LATS1: variants seen among roughly 807,000 people sequenced by gnomAD.
LATS1 encodes the protein large tumor suppressor kinase 1.
Under a neutral mutation model 106.6 loss-of-function variants are expected in LATS1, and 25 were observed. That is an observed-to-expected ratio of 0.23 (90% CI 0.17 to 0.33). The LOEUF (loss-of-function observed/expected upper bound fraction) is 0.33. Ranked by LOEUF, LATS1 falls within the 10% of genes least tolerant of loss-of-function variation. LATS1 has a pLI of 1.00. For synonymous variants in LATS1, 465 were observed against 455.6 expected, an observed-to-expected ratio of 1.02 and a Z score of -0.26; for missense variants, 1,040 against 1,382.6, an observed-to-expected ratio of 0.75 and a Z score of 3.93.
chr6:149,715,359 G>A (rs554981286), intron 1 of LATS1, among the ~76,000 whole-genome samples: 37 of 152,246 alleles, frequency 2.4e-4, no homozygotes, highest in Admixed American at 7.9e-4. Flanking sequence ...GAGCCACTGC[G>A]CCCGGCTAGA....
chr6:149,687,168 G>GAA lies in LATS1; in HGVS notation c.497-2578_497-2577dup, dbSNP rs943315224. On this transcript the variant is annotated intron_variant, in intron 3 of 7. Coordinates refer to ENST00000543571, the MANE Select transcript of LATS1 (RefSeq NM_004690.4). ...CGCGGTGGCATGATCTCGGCTCAGC[G>GAA]AAACCTCTGCCTCCTGGGTTTAGGC... Among the ~76,000 whole-genome samples, 11 of 151,362 alleles carry GAA rather than the reference G, an allele frequency of 7.3e-5. 1 individual carries two copies. Among genetic ancestry groups the GAA allele is most frequent in the African/African-American group, 2.2e-4 (9 of 41,134 alleles).
chr6:149,688,042 G>A (rs577753222), intron 3 of LATS1, among the ~76,000 whole-genome samples: 88 of 149,362 alleles, frequency 5.9e-4, no homozygotes, highest in African/African-American at 2.0e-3. Context: ...GCCCAGCTAA[G>A]GTTTTTGTAT....
intron 7 of LATS1, among the ~76,000 whole-genome samples, chr6:149,663,166 A>G (rs1780967140): frequency 6.6e-6 from 1 of 152,076 alleles, no homozygotes; most frequent in African/African-American, 2.4e-5. Flanking sequence ...GGTAGAATGC[A>G]TTGTCATTTA....
At chr6:149,695,369 T>C in intron 2 of LATS1, 148 bp from the exon 3 acceptor site, 2 of 565,070 alleles carry the variant, frequency 3.5e-6, no homozygotes, top group Non-Finnish European at 5.9e-6. Context: ...TGTTTGTAGC[T>C]ACTAAAAACC....
intron 7 of LATS1, among the ~76,000 whole-genome samples, chr6:149,669,140 T>C (rs1781316877): frequency 6.7e-6 from 1 of 149,828 alleles, no homozygotes. Context: ...GATTGATTGA[T>C]TGATTGATTG....
intron 7 of LATS1, among the ~76,000 whole-genome samples, chr6:149,663,998 C>T (rs777616321): frequency 2.0e-5 from 3 of 151,696 alleles, no homozygotes; most frequent in Non-Finnish European, 4.4e-5. Flanking sequence ...TTAGTAGAGA[C>T]GGGGTTTCAC....
chr6:149,702,381 C>A, intron 1 of LATS1, 115 bp from the exon 2 acceptor site: 1 of 338,618 alleles, frequency 3.0e-6, no homozygotes. Context: ...AGTTCTGACT[C>A]CATTAAGGAT....
At chr6:149,663,555 G>C (rs1279350386) in intron 7 of LATS1, among the ~76,000 whole-genome samples, 1 of 152,130 alleles carries the variant, frequency 6.6e-6, no homozygotes, top group Admixed American at 6.5e-5. Flanking sequence ...TAAATGAACA[G>C]TATAATCTTC....
intron 1 of LATS1, among the ~76,000 whole-genome samples, chr6:149,711,626 C>A (rs1292653000): frequency 6.6e-6 from 1 of 152,048 alleles, no homozygotes; most frequent in Non-Finnish European, 1.5e-5. Flanking sequence ...AAATTTAAAA[C>A]CCTTGGGTCC....
In LATS1 at chr6:149,662,101, A is replaced by C; in HGVS notation, c.3021T>G (p.His1007Gln). Residue 1007 changes from histidine to glutamine, a missense_variant, in exon 8 of 8, where the codon CAT becomes CAG. His to Gln is a conservative substitution (Grantham distance 24). Transcript: ENST00000543571. ...AGAAGTCAATTGTTTTAAAAAATGG[A>C]TGAGCTTTTATTTCATCAGCACCAT... ...GKNGADEIKAHPFFKTIDFSS... is the reference protein window; with the variant it reads ...GKNGADEIKAQPFFKTIDFSS... 6.2e-7 allele frequency: 1 copy of C among 1,614,196 alleles called. No individual in the cohort carries two copies. The highest frequency in any genetic ancestry group is 8.5e-7 in the Non-Finnish European group (1 of 1,180,038).
At chr6:149,716,033 G>A (rs1050069786) in intron 1 of LATS1, among the ~76,000 whole-genome samples, 1 of 151,466 alleles carries the variant, frequency 6.6e-6, no homozygotes, top group East Asian at 1.9e-4. Flanking sequence ...AACTGCCTGG[G>A]TATGACAGAT....
At chr6:149,701,672 C>G in intron 2 of LATS1, 107 bp downstream of exon 2, 1 of 718,732 alleles carries the variant, frequency 1.4e-6, no homozygotes. Context: ...AATGTGTATA[C>G]AGGGTTAAAT....
Position 149,695,087 on chromosome 6 carries a change from G to A in LATS1, c.483C>T (p.Ala161=). The A allele has an allele frequency of 1.3e-6, 2 of 1,597,480 alleles. No individual in the cohort carries two copies. The highest frequency in any genetic ancestry group is 1.7e-6 in the Non-Finnish European group (2 of 1,174,602). The change falls in exon 3 of 8, where the codon GCC becomes GCT. Residue 161 remains alanine, a synonymous_variant. Transcript: ENST00000543571. ...TTGATTAATCACCTGGTTTCATGCT[G>A]GCATTAATAGGTCTGGCAGCTGCTG... ...MAAAAARPIN[A]SMKPGNVQQS...
At position 149,683,956 on chromosome 6, in the gene LATS1, A is replaced by C. The variant is rs1253685873; in HGVS notation, c.1133T>G (p.Leu378Arg). 1 of 1,614,252 alleles carries C rather than the reference A, an allele frequency of 6.2e-7. No homozygotes were observed. Among genetic ancestry groups the C allele is most frequent in the Non-Finnish European group, 8.5e-7 (1 of 1,180,042 alleles). The change falls in exon 4 of 8, where the codon CTG (leucine) becomes CGG (arginine). Residue 378 changes from leucine (L) to arginine (R), a missense_variant. This residue lies in a region of LATS1 where 624 missense variants were observed against 714.8 expected (regional missense o/e 0.87). Coordinates refer to ENST00000543571, the MANE Select transcript of LATS1 (RefSeq NM_004690.4). The part of the protein sequence containing the change: ...VNRQPPPPYP[L>R]TAANGQSPSA... ...AGGGCTTTGTCCATTAGCTGCTGTCAGAGGATATGGAGGTGGTGGCTGCCG... is the reference window on the plus strand; with the variant it reads ...AGGGCTTTGTCCATTAGCTGCTGTCCGAGGATATGGAGGTGGTGGCTGCCG...
At chr6:149,708,001 CAAAATAGAGAGTT>C (rs1331665378) in intron 1 of LATS1, among the ~76,000 whole-genome samples, 19 of 150,858 alleles carry the variant, frequency 1.3e-4, no homozygotes, top group African/African-American at 3.4e-4. Context: ...TGAAGTTTTC[CAAAATAGAGAGTT>C]AAAAAAGAAA....
At position 149,677,233 on chromosome 6, in the gene LATS1, C is replaced by T. The variant is rs565771557; in HGVS notation, c.2594-496G>A. ...TGTAACAAATGTGACTGGATAGCTA[C>T]ATAAGACTGAATGGCTAGGGAAGAC... On this transcript the variant is annotated intron_variant, in intron 5 of 7. Coordinates refer to ENST00000543571, the MANE Select transcript of LATS1 (RefSeq NM_004690.4). Among the ~76,000 whole-genome samples, 10 of 152,274 alleles carry T rather than the reference C, an allele frequency of 6.6e-5. No individual in the cohort carries two copies. In the South Asian group the frequency reaches 1.9e-3, roughly 28 times the overall value.
chr6:149,697,238 G>C, intron 2 of LATS1: 1 of 842,264 alleles, frequency 1.2e-6, no homozygotes, highest in Non-Finnish European at 1.8e-6. Flanking sequence ...AAAGGATGTG[G>C]TAAGAACTTA....
chr6:149,693,547 T>C (rs1782893142), intron 3 of LATS1, among the ~76,000 whole-genome samples: 1 of 151,386 alleles, frequency 6.6e-6, no homozygotes, highest in Admixed American at 6.6e-5. Flanking sequence ...GGGGTGGAGG[T>C]TGCAGTGAGC....
At chr6:149,679,517 A>C (rs1306146041) in intron 5 of LATS1, among the ~76,000 whole-genome samples, 6 of 148,338 alleles carry the variant, frequency 4.0e-5, no homozygotes, top group Non-Finnish European at 4.4e-5. Context: ...GTGCCACTGC[A>C]CTCCAGCCTG....
Sources: allele counts gnomAD v4.1 joint callset (sites outside exome capture counted in the v4.1 genomes callset), GRCh38; gene constraint gnomAD v4.1.1; regional missense constraint gnomAD v4.1.1; transcripts MANE v1.5; gene names NCBI Gene and HGNC (gene_info 2026-07-23, HGNC 2026-07-21).